KDM4B: variants seen among roughly 807,000 people sequenced by gnomAD.
KDM4B encodes lysine-specific demethylase 4B.
Under a neutral mutation model 125.2 loss-of-function variants are expected in KDM4B, and 32 were observed. The observed-to-expected ratio is 0.26, with a 90% CI of 0.19 to 0.34. The LOEUF is 0.34. KDM4B is among the 10% of genes least tolerant of loss of function. The pLI is 1.00. For missense variants in KDM4B, 1,190 were observed against 1,577.7 expected (o/e 0.75, Z 4.16); for synonymous variants, 721 against 677.9 (o/e 1.06, Z -0.99).
chr19:5,126,685 C>A, intron 11 of KDM4B, among the ~76,000 whole-genome samples: 1 of 152,230 alleles, frequency 6.6e-6, no homozygotes, highest in South Asian at 2.1e-4. Context: ...TAGTGAGGGG[C>A]TGTGAGCTCA....
intron 2 of KDM4B, among the ~76,000 whole-genome samples, chr19:5,025,679 C>G (rs918603149): frequency 6.6e-6 from 1 of 152,226 alleles, no homozygotes; most frequent in African/African-American, 2.4e-5. Context: ...CATCCGGCCT[C>G]TGGGGCCTTA....
At chr19:4,980,411 C>T (rs1054973860) in intron 1 of KDM4B, among the ~76,000 whole-genome samples, 5 of 147,108 alleles carry the variant, frequency 3.4e-5, no homozygotes, top group African/African-American at 1.3e-4. Context: ...GAGCCTTGTC[C>T]CTTTTCTTTC....
intron 1 of KDM4B, among the ~76,000 whole-genome samples, chr19:4,980,909 C>G (rs1341683465): frequency 1.3e-5 from 2 of 148,174 alleles, no homozygotes; most frequent in African/African-American, 5.3e-5. Flanking sequence ...GCCGAGATGG[C>G]CCCGGGGCAG....
intron 1 of KDM4B, among the ~76,000 whole-genome samples, chr19:5,004,821 G>T (rs1053188795): frequency 6.6e-6 from 1 of 152,108 alleles, no homozygotes; most frequent in African/African-American, 2.4e-5. Flanking sequence ...ACTCCCTACT[G>T]TCCAGGCAGC....
intron 11 of KDM4B, among the ~76,000 whole-genome samples, chr19:5,126,044 C>T (rs564956066): frequency 1.2e-3 from 185 of 152,312 alleles, no homozygotes; most frequent in Middle Eastern, 6.8e-3. Context: ...GCCAGTTTCA[C>T]GCCCCTAAAA....
intron 6 of KDM4B, among the ~76,000 whole-genome samples, chr19:5,053,328 G>T (rs1305439934): frequency 6.6e-6 from 1 of 152,240 alleles, no homozygotes; most frequent in African/African-American, 2.4e-5. Flanking sequence ...GCAGCCCGAT[G>T]CGTGCCTCGC....
At chr19:4,984,407 C>CT (rs1325784979) in intron 1 of KDM4B, among the ~76,000 whole-genome samples, 1 of 152,170 alleles carries the variant, frequency 6.6e-6, no homozygotes, top group African/African-American at 2.4e-5. Context: ...CATAAAGCAA[C>CT]TTGAAAATAA....
intron 1 of KDM4B, among the ~76,000 whole-genome samples, chr19:5,002,029 G>A (rs1202366424): frequency 1.4e-5 from 2 of 139,820 alleles, no homozygotes; most frequent in African/African-American, 5.3e-5. Flanking sequence ...ACTGAATCTT[G>A]TTCTGTTGCC....
At chr19:5,144,960 G>C in intron 21 of KDM4B, 58 bp downstream of exon 21, 1 of 1,605,686 alleles carries the variant, frequency 6.2e-7, no homozygotes, top group Admixed American at 1.7e-5. Context: ...TTGTAGGTGC[G>C]GGGACAGGAG....
At chr19:5,055,972 T>G (rs72990189) in intron 6 of KDM4B, among the ~76,000 whole-genome samples, 1 of 152,292 alleles carries the variant, frequency 6.6e-6, no homozygotes, top group Non-Finnish European at 1.5e-5. Flanking sequence ...CCAGATTTCC[T>G]CTGTCTTCCC....
At chr19:5,119,220 G>T (rs780394791) in intron 10 of KDM4B, 7 of 1,526,758 alleles carry the variant, frequency 4.6e-6, no homozygotes, top group African/African-American at 1.4e-5. Context: ...CGGGGCTGTC[G>T]TAAGTGTCTT....
chr19:5,077,200 G>C, intron 7 of KDM4B, 167 bp from the exon 8 acceptor site: 1 of 654,128 alleles, frequency 1.5e-6, no homozygotes, highest in South Asian at 1.8e-5. Flanking sequence ...CCCCCGACCT[G>C]CAGGCACTGG....
chr19:4,985,200 C>T (rs1200183911), intron 1 of KDM4B, among the ~76,000 whole-genome samples: 14 of 151,998 alleles, frequency 9.2e-5, no homozygotes, highest in African/African-American at 1.7e-4. Context: ...GGTGCACGCC[C>T]GCAGTCCCAG....
intron 6 of KDM4B, among the ~76,000 whole-genome samples, chr19:5,054,644 T>A (rs1000848753): frequency 6.6e-6 from 1 of 152,238 alleles, no homozygotes; most frequent in Admixed American, 6.5e-5. Context: ...AACTGGACTT[T>A]ACCCACTTAG....
intron 1 of KDM4B, among the ~76,000 whole-genome samples, chr19:4,994,894 G>A (rs1254556389): frequency 6.6e-6 from 1 of 152,050 alleles, no homozygotes; most frequent in Non-Finnish European, 1.5e-5. Flanking sequence ...GGTCTTATAG[G>A]CATCTTAACT....
chr19:5,099,866 C>G (rs1249329515), intron 9 of KDM4B, among the ~76,000 whole-genome samples: 1 of 152,202 alleles, frequency 6.6e-6, no homozygotes, highest in African/African-American at 2.4e-5. Flanking sequence ...CTTGGACTTT[C>G]CAGCCTCCAG....
chr19:5,034,515 C>T (rs189862943), intron 3 of KDM4B, among the ~76,000 whole-genome samples: 15 of 152,290 alleles, frequency 9.8e-5, no homozygotes, highest in African/African-American at 3.1e-4. Context: ...TTTTTCTTTT[C>T]CCCCAACCAC....
chr19:5,132,752 T>C (rs1338801270), intron 13 of KDM4B, among the ~76,000 whole-genome samples: 1 of 152,022 alleles, frequency 6.6e-6, no homozygotes, highest in Non-Finnish European at 1.5e-5. Context: ...GACCCTTTGG[T>C]GAGACCGGAG....
Position 5,150,722 on chromosome 19 carries a change from C to T in KDM4B, c.3114+272C>T, listed in dbSNP as rs141230104. ...AGAAGCCCCGCCCCTCCCCTTATCA[C>T]GAATGCAGAACAGACCCTCCCAGCC... On this transcript the variant is annotated intron_variant, in intron 22 of 22. Coordinates refer to ENST00000159111, the MANE Select transcript of KDM4B (RefSeq NM_015015.3). Among the ~76,000 whole-genome samples the T allele has an allele frequency of 5.9e-5, 9 of 152,210 alleles. No individual in the cohort carries two copies. In the South Asian group the frequency reaches 1.2e-3, roughly 21 times the overall value.
Sources: allele counts gnomAD v4.1 joint callset (sites outside exome capture counted in the v4.1 genomes callset), GRCh38; gene constraint gnomAD v4.1.1; transcripts MANE v1.5; gene names NCBI Gene and HGNC (gene_info 2026-07-23, HGNC 2026-07-21).